The following SCUBE2 variants were observed in gnomAD, a reference collection of about 807,000 sequenced individuals.
SCUBE2 encodes the protein signal peptide, CUB and EGF-like domain-containing protein 2.
SCUBE2 carries 114 observed loss-of-function variants against 125.9 expected under a neutral mutation model. The observed-to-expected ratio is 0.91, with a 90% confidence interval of 0.78 to 1.06. The LOEUF (loss-of-function observed/expected upper bound fraction) is 1.06. Ranked by LOEUF, SCUBE2 falls within the 50% of genes least tolerant of loss-of-function variation. The probability of loss-of-function intolerance (pLI) is 0.00; values close to 1 mark genes in which losing one functional copy is unlikely to be tolerated. For missense variants in SCUBE2, 1,255 were observed against 1,301.8 expected (o/e 0.96, Z 0.55); for synonymous variants, 459 against 492.9 (o/e 0.93, Z 0.91).
At chr11:9,065,655 T>A (rs1197986942) in intron 7 of SCUBE2, among the ~76,000 whole-genome samples, 1 of 152,172 alleles carries the variant, frequency 6.6e-6, no homozygotes, top group East Asian at 1.9e-4. Context: ...AGGTGGGGGC[T>A]GCATTGGGAC....
chr11:9,036,261 G>C (rs1170626271), intron 16 of SCUBE2, among the ~76,000 whole-genome samples: 5 of 152,178 alleles, frequency 3.3e-5, no homozygotes, highest in Non-Finnish European at 4.4e-5. Flanking sequence ...ATTATAATGA[G>C]ACTGATGGCA....
chr11:9,041,180 C>T (rs2135303564), intron 16 of SCUBE2, among the ~76,000 whole-genome samples: 1 of 152,272 alleles, frequency 6.6e-6, no homozygotes, highest in South Asian at 2.1e-4. Context: ...TTGTGATGAA[C>T]ATAGTGTACT....
intron 7 of SCUBE2, 27 bp downstream of exon 7, chr11:9,065,864 C>T (rs1410575893): frequency 1.3e-6 from 2 of 1,598,638 alleles, no homozygotes; most frequent in East Asian, 4.5e-5. Flanking sequence ...ATTGCAGTGG[C>T]CAAGGAAAGG....
chr11:9,091,257 G>T lies in SCUBE2; in HGVS notation c.133+139C>A, dbSNP rs562943474. 5 of 540,930 alleles carry T rather than the reference G, an allele frequency of 9.2e-6. No individual in the cohort carries two copies. The highest frequency in any genetic ancestry group is 4.0e-5 in the African/African-American group (2 of 49,968). The allele number at this position is 540,930 out of a possible 1,614,324, so 33.5% of individuals were successfully genotyped here. ...GGCCCGGCCGGCGGGTGAGGTCCCGGGGGGAGCAGAGGCCCCCGCGGAGCT... is the reference window on the plus strand; with the variant it reads ...GGCCCGGCCGGCGGGTGAGGTCCCGTGGGGAGCAGAGGCCCCCGCGGAGCT... On this transcript the variant is annotated intron_variant, in intron 1 of 22. Coordinates refer to ENST00000649792, the MANE Select transcript of SCUBE2 (RefSeq NM_001367977.2). This position sits in a 1 kb window ranked among gnomAD's most constrained non-coding sequence, Gnocchi z 8.5.
At chr11:9,031,142 G>A in intron 17 of SCUBE2, 1 of 434,194 alleles carries the variant, frequency 2.3e-6, no homozygotes, top group Non-Finnish European at 4.1e-6. Flanking sequence ...ACAGCACAGT[G>A]CAAAGATGGA....
At chr11:9,072,673 A>G in intron 4 of SCUBE2, among the ~76,000 whole-genome samples, 1 of 152,214 alleles carries the variant, frequency 6.6e-6, no homozygotes, top group Non-Finnish European at 1.5e-5. Flanking sequence ...TGACACTCCC[A>G]TGAATTTGCC....
At chr11:9,059,467 G>A in intron 8 of SCUBE2, 42 bp from the exon 9 acceptor site, 1 of 1,586,252 alleles carries the variant, frequency 6.3e-7, no homozygotes, top group South Asian at 1.1e-5. Flanking sequence ...AGCAATACTT[G>A]CCTCATTTCC....
intron 16 of SCUBE2, among the ~76,000 whole-genome samples, chr11:9,039,675 G>A (rs1290152882): frequency 1.3e-5 from 2 of 152,114 alleles, no homozygotes; most frequent in Non-Finnish European, 1.5e-5. Context: ...AACAAACGAA[G>A]CTCCTCTGGT....
intron 13 of SCUBE2, 117 bp from the exon 14 acceptor site, chr11:9,050,827 C>A: frequency 1.3e-6 from 1 of 760,346 alleles, no homozygotes; most frequent in Non-Finnish European, 2.3e-6. Flanking sequence ...CACCCTGAGA[C>A]CCTCTCCTAC....
intron 7 of SCUBE2, among the ~76,000 whole-genome samples, chr11:9,060,747 T>C (rs1859599876): frequency 6.6e-6 from 1 of 152,136 alleles, no homozygotes; most frequent in Non-Finnish European, 1.5e-5. Context: ...GGGATAAAGA[T>C]GTCTCCCAAT....
chr11:9,031,060 C>G (rs1417200600), intron 17 of SCUBE2, 135 bp from the exon 18 acceptor site: 7 of 739,846 alleles, frequency 9.5e-6, no homozygotes, highest in African/African-American at 1.8e-5. Flanking sequence ...AGAGAGCACA[C>G]AGTCAATGCT....
At chr11:9,065,154 T>C (rs1860086841) in intron 7 of SCUBE2, 1 of 152,130 alleles carries the variant, frequency 6.6e-6, no homozygotes, top group African/African-American at 2.4e-5. Flanking sequence ...TGGGCACCTT[T>C]CCATATTATT....
At chr11:9,061,178 C>T (rs1429253409) in intron 7 of SCUBE2, among the ~76,000 whole-genome samples, 1 of 152,130 alleles carries the variant, frequency 6.6e-6, no homozygotes, top group Admixed American at 6.6e-5. Flanking sequence ...TAGACAAGTG[C>T]TATTCAACAT....
intron 11 of SCUBE2, 131 bp downstream of exon 11, chr11:9,053,506 G>A: frequency 9.4e-7 from 1 of 1,061,686 alleles, no homozygotes. Context: ...ACTATTTAAA[G>A]AACAGTTGCT....
At chr11:9,065,798 G>A (rs1381260254) in intron 7 of SCUBE2, 93 bp downstream of exon 7, 3 of 1,044,728 alleles carry the variant, frequency 2.9e-6, no homozygotes, top group Non-Finnish European at 4.5e-6. Context: ...CTGGTCTGAG[G>A]GCATGTGGCT....
chr11:9,052,090 G>A (rs1858472244), intron 13 of SCUBE2, among the ~76,000 whole-genome samples: 1 of 152,184 alleles, frequency 6.6e-6, no homozygotes, highest in South Asian at 2.1e-4. Context: ...TTTCCTCAGA[G>A]GGTTGTAGTA....
intron 21 of SCUBE2, chr11:9,024,292 G>T: frequency 8.9e-7 from 1 of 1,117,336 alleles, no homozygotes. Context: ...CCAGTTGGTT[G>T]CTTTTGGGTA....
intron 2 of SCUBE2, 23 bp downstream of exon 2, chr11:9,089,684 C>T: frequency 1.2e-6 from 2 of 1,611,422 alleles, no homozygotes; most frequent in African/African-American, 1.3e-5. Context: ...ACAGTCCCCC[C>T]ACATGGTCCC....
rs769564761 is a variant in SCUBE2, at chr11:9,089,717, C to T, written c.246G>A (p.Arg82=). 1.2e-6 allele frequency: 2 copies of T among 1,613,672 alleles called. No individual in the cohort carries two copies. The highest frequency in any genetic ancestry group is 1.1e-5 in the South Asian group (1 of 91,012). ...SCKPGYQGEG[R]QCEDIDECGN... is the part of the protein sequence containing the mutation. ...CCCCAAGGCACTTACCCTCACACTG[C>T]CTGCCTTCCCCTTGGTAGCCAGGCT... Residue 82 remains arginine, a synonymous_variant, in exon 2 of 23, where the codon AGG becomes AGA. Coordinates refer to ENST00000649792, the MANE Select transcript of SCUBE2 (RefSeq NM_001367977.2).
Sources: allele counts gnomAD v4.1 joint callset (sites outside exome capture counted in the v4.1 genomes callset), GRCh38; gene constraint gnomAD v4.1.1; non-coding constraint Gnocchi (gnomAD v3.1); transcripts MANE v1.5; gene names NCBI Gene and HGNC (gene_info 2026-07-23, HGNC 2026-07-21).